The following TSNARE1 variants were observed in gnomAD, a reference collection of about 807,000 sequenced individuals.
TSNARE1 encodes t-SNARE domain-containing protein 1.
In TSNARE1, 49 loss-of-function variants were observed where a neutral mutation model predicts 62.0. That is an observed-to-expected ratio of 0.79 (90% confidence interval 0.63 to 1.00). The LOEUF is 1.00. Ranked by LOEUF, TSNARE1 falls within the 50% of genes least tolerant of loss-of-function variation. The pLI, the probability that TSNARE1 is intolerant of heterozygous loss-of-function variation, is 0.00. For synonymous variants in TSNARE1, 328 were observed against 294.4 expected (o/e 1.11, Z -1.17); for missense variants, 755 against 700.1 (o/e 1.08, Z -0.88).
At chr8:142,375,108 G>A (rs992062021) in intron 1 of TSNARE1, among the ~76,000 whole-genome samples, 13 of 152,230 alleles carry the variant, frequency 8.5e-5, no homozygotes, top group African/African-American at 3.1e-4. Context: ...CACAGGGGTG[G>A]CCCCATTGGT....
intron 12 of TSNARE1, among the ~76,000 whole-genome samples, chr8:142,239,255 C>G (rs938037807): frequency 1.3e-5 from 2 of 152,220 alleles, no homozygotes; most frequent in Non-Finnish European, 2.9e-5. Flanking sequence ...CCAGAGCAGA[C>G]ACCCCTCCTT....
chr8:142,222,584 T>TCACTCACTCATTCATC (rs1366802022), intron 13 of TSNARE1, among the ~76,000 whole-genome samples: 1 of 130,304 alleles, frequency 7.7e-6, no homozygotes, highest in Admixed American at 7.5e-5. Context: ...AGCCACTCAT[T>TCACTCACTCATTCATC]CACTCACTCA....
intron 10 of TSNARE1, among the ~76,000 whole-genome samples, chr8:142,285,256 G>GTAGGTGGATGGATGGATGGT (rs1822503640): frequency 7.9e-6 from 1 of 127,354 alleles, no homozygotes; most frequent in African/African-American, 3.9e-5. Flanking sequence ...GGATGGATGC[G>GTAGGTGGATGGATGGATGGT]TAGGTGGATG....
intron 6 of TSNARE1, among the ~76,000 whole-genome samples, chr8:142,324,846 C>T (rs1467513614): frequency 1.3e-5 from 2 of 152,250 alleles, no homozygotes; most frequent in African/African-American, 4.8e-5. Context: ...GGTTAATCGG[C>T]GCTCCCGCCC....
At chr8:142,300,416 C>G in intron 10 of TSNARE1, 70 bp downstream of exon 10, 1 of 1,517,722 alleles carries the variant, frequency 6.6e-7, no homozygotes, top group Non-Finnish European at 8.8e-7. Flanking sequence ...AGGCTGGCAC[C>G]TGGGCTCCTC....
At chr8:142,297,817 T>C (rs953301511) in intron 10 of TSNARE1, among the ~76,000 whole-genome samples, 6 of 152,186 alleles carry the variant, frequency 3.9e-5, no homozygotes, top group African/African-American at 1.4e-4. Context: ...AATTTGCGTT[T>C]TGTTTTTCCC....
chr8:142,330,170 G>T (rs1238212071), intron 6 of TSNARE1, among the ~76,000 whole-genome samples: 1 of 152,244 alleles, frequency 6.6e-6, no homozygotes, highest in Non-Finnish European at 1.5e-5. Context: ...GGCCAGCACA[G>T]GAGGTCACAG....
At chr8:142,390,769 TAACAGACGCTGTACACTGCGGGGGACTCC>T (rs1837452121) in intron 1 of TSNARE1, among the ~76,000 whole-genome samples, 1 of 46,310 alleles carries the variant, frequency 2.2e-5, no homozygotes, top group African/African-American at 1.3e-4. Flanking sequence ...GGGGACTCCG[TAACAGACGCTGTACACTGCGGGGGACTCC>T]GTAACAGACG....
chr8:142,273,171 CCCT>C, intron 12 of TSNARE1: 7 of 985,386 alleles, frequency 7.1e-6, no homozygotes, highest in Non-Finnish European at 8.4e-6. Flanking sequence ...GTTGCCACTG[CCCT>C]CCTTTCCTCC....
chr8:142,357,352 G>A (rs958769730), intron 1 of TSNARE1, among the ~76,000 whole-genome samples: 1 of 152,198 alleles, frequency 6.6e-6, no homozygotes, highest in Non-Finnish European at 1.5e-5. Flanking sequence ...CCAAGGAAGC[G>A]GCTCAAGGGG....
chr8:142,299,935 A>T (rs1034068323), intron 10 of TSNARE1, among the ~76,000 whole-genome samples: 1 of 152,264 alleles, frequency 6.6e-6, no homozygotes, highest in Non-Finnish European at 1.5e-5. Flanking sequence ...ACATGTGTAA[A>T]AAATAAGTAT....
At chr8:142,230,937 C>T (rs1160351281) in intron 12 of TSNARE1, among the ~76,000 whole-genome samples, 2 of 148,096 alleles carry the variant, frequency 1.4e-5, no homozygotes, top group African/African-American at 2.5e-5. Context: ...TCCATCCATC[C>T]GTCCACCTAT....
In TSNARE1 at chr8:142,291,090, C is replaced by A. The variant is rs1248076268; in HGVS notation, c.1291-6605G>T. ...GCCCAGGGAGATGAATTGCTGCTCG[C>A]CACCCGCTGCTCAGGACTGGTGTCC... On this transcript the variant is annotated intron_variant, in intron 10 of 13. Coordinates refer to ENST00000524325, the MANE Select transcript of TSNARE1 (RefSeq NM_145003.5). The surrounding 1 kb of genome is among the most constrained non-coding windows in gnomAD (Gnocchi z 4.8). Among the ~76,000 whole-genome samples the A allele has an allele frequency of 1.3e-5, 2 of 152,076 alleles. No individual in the cohort carries two copies. The highest frequency in any genetic ancestry group is 2.9e-5 in the Non-Finnish European group (2 of 68,014).
intron 6 of TSNARE1, among the ~76,000 whole-genome samples, chr8:142,330,656 G>C (rs569959023): frequency 6.6e-6 from 1 of 152,338 alleles, no homozygotes. Flanking sequence ...TTCTACGTCG[G>C]GGCGGGGTGC....
intron 10 of TSNARE1, 134 bp from the exon 11 acceptor site, chr8:142,284,619 G>T: frequency 1.4e-6 from 1 of 712,166 alleles, no homozygotes; most frequent in South Asian, 1.6e-5. Context: ...AACAGCTGGG[G>T]ACCGGCTGGT....
At chr8:142,331,929 C>A in intron 4 of TSNARE1, 98 bp from the exon 5 acceptor site, 1 of 1,226,780 alleles carries the variant, frequency 8.2e-7, no homozygotes, top group Non-Finnish European at 1.2e-6. Flanking sequence ...GGGGCAGGGA[C>A]CCGACAGGCA....
chr8:142,318,919 G>C (rs1829022086), intron 6 of TSNARE1, among the ~76,000 whole-genome samples: 1 of 151,886 alleles, frequency 6.6e-6, no homozygotes, highest in African/African-American at 2.4e-5. Context: ...AGAAAGAGGA[G>C]GGGGCCCAAG....
intron 11 of TSNARE1, chr8:142,275,989 T>C (rs1820414648): frequency 1.0e-6 from 1 of 985,412 alleles, no homozygotes; most frequent in Non-Finnish European, 1.2e-6. Flanking sequence ...GTGGAACCCA[T>C]GAGCCCTGCC....
Position 142,344,325 on chromosome 8 carries a change from C to A in TSNARE1, c.386G>T (p.Cys129Phe), listed in dbSNP as rs773450736. Reference protein sequence around the residue: ...TRAKKRKPNFCPQETEVLVSK... With the variant: ...TRAKKRKPNFFPQETEVLVSK... ...CACCAGCACCTCGGTCTCCTGCGGG[C>A]AGAAGTTGGGCTTCCTCTTCTTGGC... The change falls in exon 4 of 14, where the codon TGC becomes TTC. Residue 129 changes from cysteine (C) to phenylalanine (F), a missense_variant. Coordinates refer to ENST00000524325, the MANE Select transcript of TSNARE1 (RefSeq NM_145003.5). The A allele has an allele frequency of 2.5e-6, 4 of 1,586,848 alleles. No homozygotes were observed. The highest frequency in any genetic ancestry group is 1.7e-6 in the Non-Finnish European group (2 of 1,163,732).
Sources: gnomAD v4.1 joint callset for allele counts (sites outside exome capture counted in the v4.1 genomes callset) on GRCh38, gnomAD v4.1.1 for gene constraint, Gnocchi (gnomAD v3.1) non-coding constraint, MANE v1.5 for transcripts, NCBI Gene and HGNC (gene_info 2026-07-23, HGNC 2026-07-21) for gene names.